Variants in ADAMTSL3 observed in about 807,000 individuals in gnomAD.
The protein encoded by ADAMTSL3 is ADAMTS-like protein 3.
In ADAMTSL3, 128 loss-of-function variants were observed where a neutral mutation model predicts 201.7. The ratio of observed to expected loss-of-function variants is 0.63; its 90% CI spans 0.55 to 0.73. ADAMTSL3 has a LOEUF of 0.73. ADAMTSL3 is among the 30% of genes least tolerant of loss of function. The pLI is 0.00. For missense variants in ADAMTSL3, 1,990 were observed against 2,119.6 expected (o/e 0.94, Z 1.20); for synonymous variants, 738 against 748.4 (o/e 0.99, Z 0.23).
intron 6 of ADAMTSL3, among the ~76,000 whole-genome samples, chr15:83,830,722 G>A (rs1346696991): frequency 6.6e-6 from 1 of 152,148 alleles, no homozygotes; most frequent in Non-Finnish European, 1.5e-5. Flanking sequence ...TAAAATCAGG[G>A]TATCAGCAGG....
chr15:83,660,747 T>C (rs1024045856), intron 2 of ADAMTSL3, among the ~76,000 whole-genome samples: 6 of 152,206 alleles, frequency 3.9e-5, no homozygotes, highest in Non-Finnish European at 8.8e-5. Flanking sequence ...TTCCCTCTGA[T>C]GGTAGTTTCT....
intron 5 of ADAMTSL3, among the ~76,000 whole-genome samples, chr15:83,805,663 C>G (rs554729757): frequency 1.3e-5 from 2 of 152,230 alleles, no homozygotes; most frequent in East Asian, 3.9e-4. Context: ...AAGAGGCTAA[C>G]TAGAGGTACT....
intron 6 of ADAMTSL3, among the ~76,000 whole-genome samples, chr15:83,824,005 T>G (rs986649591): frequency 2.0e-5 from 3 of 147,638 alleles, no homozygotes; most frequent in African/African-American, 7.4e-5. Flanking sequence ...TCCTTCTTCT[T>G]CCTCTTCTTT....
chr15:83,914,850 TTTGTTTG>T (rs538257998), intron 16 of ADAMTSL3, among the ~76,000 whole-genome samples: 2 of 21,926 alleles, frequency 9.1e-5, no homozygotes, highest in Admixed American at 8.0e-4. Context: ...TTTGTTTGGT[TTTGTTTG>T]TTTGTTTGTT....
At chr15:83,655,997 G>A (rs1458285727) in intron 2 of ADAMTSL3, among the ~76,000 whole-genome samples, 167 bp downstream of exon 2, 1 of 152,196 alleles carries the variant, frequency 6.6e-6, no homozygotes, top group African/African-American at 2.4e-5. Context: ...TGGCTTAGCT[G>A]TAAGGATTAT....
intron 6 of ADAMTSL3, among the ~76,000 whole-genome samples, chr15:83,836,246 CTTA>C (rs1291826550): frequency 1.3e-5 from 2 of 152,122 alleles, no homozygotes; most frequent in Admixed American, 6.5e-5. Context: ...TGATTGAATA[CTTA>C]TTATTAGATA....
At chr15:83,960,992 CAG>C (rs2066958374) in intron 19 of ADAMTSL3, among the ~76,000 whole-genome samples, 1 of 152,014 alleles carries the variant, frequency 6.6e-6, no homozygotes, top group South Asian at 2.1e-4. Flanking sequence ...AAAGTTGAGA[CAG>C]ATAGGTTCTA....
chr15:83,661,263 G>A (rs1162713472), intron 2 of ADAMTSL3, among the ~76,000 whole-genome samples: 76 of 151,994 alleles, frequency 5.0e-4, no homozygotes, highest in Middle Eastern at 3.4e-3. Flanking sequence ...TTGGCGATGC[G>A]GGCTCTTTTT....
At chr15:83,736,552 C>T (rs1045386068) in intron 3 of ADAMTSL3, among the ~76,000 whole-genome samples, 1 of 152,132 alleles carries the variant, frequency 6.6e-6, no homozygotes, top group South Asian at 2.1e-4. Context: ...AGGAAACTAG[C>T]CCAAAATACA....
chr15:83,896,962 A>G (rs2065627496), intron 13 of ADAMTSL3, among the ~76,000 whole-genome samples: 1 of 152,154 alleles, frequency 6.6e-6, no homozygotes, highest in South Asian at 2.1e-4. Context: ...TTATAAAACC[A>G]TCAGATCTTA....
intron 8 of ADAMTSL3, among the ~76,000 whole-genome samples, chr15:83,863,940 G>A (rs1001690314): frequency 2.1e-4 from 32 of 152,216 alleles, no homozygotes; most frequent in African/African-American, 6.5e-4. Flanking sequence ...TATCACCACC[G>A]ATCCCACAGA....
intron 3 of ADAMTSL3, among the ~76,000 whole-genome samples, chr15:83,754,845 T>C (rs983188555): frequency 1.2e-4 from 18 of 152,222 alleles, no homozygotes; most frequent in African/African-American, 3.9e-4. Flanking sequence ...TAAAGATACC[T>C]CTAAGTGTAT....
chr15:83,716,575 C>G (rs2062022263), intron 3 of ADAMTSL3, among the ~76,000 whole-genome samples: 1 of 149,874 alleles, frequency 6.7e-6, no homozygotes, highest in African/African-American at 2.5e-5. Context: ...GTTAATTATT[C>G]TTTGTGATAA....
chr15:83,713,378 G>A (rs942151745), intron 3 of ADAMTSL3, among the ~76,000 whole-genome samples: 14 of 152,122 alleles, frequency 9.2e-5, no homozygotes, highest in African/African-American at 3.1e-4. Flanking sequence ...GTTCTGTTGT[G>A]GCCTGTCCTC....
At position 83,942,674 on chromosome 15, in the gene ADAMTSL3, C is replaced by T; in HGVS notation, c.2196C>T (p.His732=). 1.9e-6 allele frequency: 3 copies of T among 1,614,120 alleles called. No individual in the cohort carries two copies. Among genetic ancestry groups the T allele is most frequent in the Non-Finnish European group, 1.7e-6 (2 of 1,179,996 alleles). ...AGACCCGAGATGTGTACTGCCTGCA[C>T]CCAGGGGAGACCCCTGCCCCTCCTG... ...GIQTRDVYCL[H]PGETPAPPEE... is the part of the protein sequence containing the mutation. The change falls in exon 18 of 30, where the codon CAC becomes CAT. Residue 732 remains histidine, a synonymous_variant. Coordinates refer to ENST00000286744, the MANE Select transcript of ADAMTSL3 (RefSeq NM_207517.3).
intron 22 of ADAMTSL3, among the ~76,000 whole-genome samples, chr15:83,989,118 G>A (rs908572548): frequency 4.6e-5 from 7 of 152,100 alleles, no homozygotes; most frequent in African/African-American, 1.4e-4. Flanking sequence ...TCCTGACCTC[G>A]TGATCCACCC....
chr15:83,881,583 T>A (rs2065272297), intron 9 of ADAMTSL3, among the ~76,000 whole-genome samples: 1 of 152,084 alleles, frequency 6.6e-6, no homozygotes, highest in South Asian at 2.1e-4. Context: ...GGCCAGGCGC[T>A]TTGGCTCATG....
intron 23 of ADAMTSL3, among the ~76,000 whole-genome samples, chr15:84,003,256 CT>C (rs2067832672): frequency 6.6e-6 from 1 of 152,062 alleles, no homozygotes; most frequent in South Asian, 2.1e-4. Context: ...TGGCCTCCCA[CT>C]TTTTCTTGGT....
At chr15:83,966,165 C>T (rs2067080263) in intron 19 of ADAMTSL3, among the ~76,000 whole-genome samples, 1 of 151,894 alleles carries the variant, frequency 6.6e-6, no homozygotes, top group Admixed American at 6.6e-5. Flanking sequence ...TAGCAGAAGA[C>T]AAGAAATAAC....
Sources: allele counts gnomAD v4.1 joint callset (sites outside exome capture counted in the v4.1 genomes callset), GRCh38; gene constraint gnomAD v4.1.1; transcripts MANE v1.5; gene names NCBI Gene and HGNC (gene_info 2026-07-23, HGNC 2026-07-21).